GPC6: variants seen among roughly 807,000 people sequenced by gnomAD.
GPC6 encodes the protein glypican-6.
GPC6 carries 14 observed loss-of-function variants against 55.2 expected under a neutral mutation model. That is an observed-to-expected ratio of 0.25 (90% CI 0.17 to 0.40). The LOEUF (loss-of-function observed/expected upper bound fraction) is 0.40, where lower values mean the gene tolerates loss of function less well. Ranked by LOEUF, GPC6 falls within the 10% of genes least tolerant of loss-of-function variation. The pLI, the probability that GPC6 is intolerant of heterozygous loss-of-function variation, is 1.00. For missense variants in GPC6, 641 were observed against 708.5 expected (o/e 0.90, Z 1.08); for synonymous variants, 278 against 259.6 (o/e 1.07, Z -0.68).
chr13:94,188,864 A>G (rs1205535165), intron 4 of GPC6, among the ~76,000 whole-genome samples: 1 of 152,162 alleles, frequency 6.6e-6, no homozygotes, highest in Non-Finnish European at 1.5e-5. Context: ...AAGTCTCACA[A>G]TCTGGTCAGT....
chr13:93,667,648 G>T (rs974180823), intron 2 of GPC6, among the ~76,000 whole-genome samples: 2 of 151,456 alleles, frequency 1.3e-5, no homozygotes, highest in African/African-American at 4.9e-5. Flanking sequence ...AGCCAGGCTG[G>T]TCTTGAACTC....
intron 1 of GPC6, among the ~76,000 whole-genome samples, chr13:93,370,694 C>T (rs1421790839): frequency 6.6e-6 from 1 of 152,054 alleles, no homozygotes; most frequent in African/African-American, 2.4e-5. Context: ...CCACATACAG[C>T]AGGCAAATTA....
intron 1 of GPC6, among the ~76,000 whole-genome samples, chr13:93,340,683 G>T (rs904523619): frequency 6.6e-6 from 1 of 152,126 alleles, no homozygotes; most frequent in East Asian, 1.9e-4. Context: ...GCAGAAGAAT[G>T]GCAGCTGGAG....
intron 1 of GPC6, among the ~76,000 whole-genome samples, chr13:93,276,501 T>A (rs901105327): frequency 2.2e-3 from 210 of 94,102 alleles, no homozygotes; most frequent in African/African-American, 7.3e-3. Context: ...AGAGAGTGTG[T>A]GTGTGTGTGT....
chr13:93,892,472 C>T (rs972877230), intron 3 of GPC6, among the ~76,000 whole-genome samples: 3 of 152,112 alleles, frequency 2.0e-5, no homozygotes, highest in Admixed American at 1.3e-4. Flanking sequence ...TGGGACACTG[C>T]CCACATGTGA....
At chr13:93,882,293 C>A (rs1247969922) in intron 3 of GPC6, among the ~76,000 whole-genome samples, 1 of 151,832 alleles carries the variant, frequency 6.6e-6, no homozygotes, top group African/African-American at 2.4e-5. Flanking sequence ...ACTACAGGCA[C>A]GTGCCACTAC....
chr13:93,580,371 A>T (rs901395697), intron 2 of GPC6, among the ~76,000 whole-genome samples: 18 of 152,250 alleles, frequency 1.2e-4, no homozygotes, highest in African/African-American at 4.3e-4. Context: ...CATTTAGTTT[A>T]TAACATGTAT....
chr13:93,252,263 CT>C (rs546763552), intron 1 of GPC6, among the ~76,000 whole-genome samples: 31 of 151,372 alleles, frequency 2.0e-4, no homozygotes, highest in South Asian at 8.3e-4. Flanking sequence ...CAGCAGTTCC[CT>C]TTTTTTTCCC....
intron 1 of GPC6, among the ~76,000 whole-genome samples, chr13:93,309,482 A>G (rs1201440521): frequency 6.6e-6 from 1 of 152,096 alleles, no homozygotes; most frequent in Non-Finnish European, 1.5e-5. Flanking sequence ...TTAACACACA[A>G]TGTATTTTTA....
At chr13:93,887,207 T>G (rs1489679433) in intron 3 of GPC6, among the ~76,000 whole-genome samples, 1 of 152,050 alleles carries the variant, frequency 6.6e-6, no homozygotes, top group Non-Finnish European at 1.5e-5. Flanking sequence ...TGTAATAATA[T>G]TTTTATTTTT....
chr13:93,863,891 G>A (rs961223882), intron 3 of GPC6, among the ~76,000 whole-genome samples: 4 of 151,680 alleles, frequency 2.6e-5, no homozygotes, highest in Admixed American at 6.6e-5. Flanking sequence ...TATCAGGAAC[G>A]TTTTGGGAAA....
At chr13:93,960,472 A>G (rs942242704) in intron 3 of GPC6, among the ~76,000 whole-genome samples, 4 of 152,168 alleles carry the variant, frequency 2.6e-5, no homozygotes, top group Non-Finnish European at 4.4e-5. Context: ...TCTCTGCTAA[A>G]ATGTTCATAG....
intron 2 of GPC6, among the ~76,000 whole-genome samples, chr13:93,774,422 T>C (rs1382576604): frequency 6.6e-6 from 1 of 152,200 alleles, no homozygotes; most frequent in African/African-American, 2.4e-5. Context: ...ATCTTATATT[T>C]TTAACTTGAT....
chr13:93,296,362 G>GGCTCCTAAAGA (rs1166429422), intron 1 of GPC6, among the ~76,000 whole-genome samples: 10 of 152,126 alleles, frequency 6.6e-5, no homozygotes, highest in South Asian at 2.1e-4. Context: ...TATGGCAGTA[G>GGCTCCTAAAGA]GCTCCTAAAG....
At chr13:94,325,649 G>T (rs992952877) in intron 6 of GPC6, among the ~76,000 whole-genome samples, 1 of 152,132 alleles carries the variant, frequency 6.6e-6, no homozygotes, top group Non-Finnish European at 1.5e-5. Context: ...ATTGTAAAAA[G>T]CCCTTCCAGG....
Position 94,333,742 on chromosome 13 carries a change from T to C in GPC6, c.1152+27619T>C, listed in dbSNP as rs139035872. Among the ~76,000 whole-genome samples, 413 of 152,188 alleles carry C rather than the reference T, an allele frequency of 2.7e-3. 2 individuals are homozygous for C. The highest frequency in any genetic ancestry group is 8.9e-3 in the African/African-American group (368 of 41,502). On this transcript the variant is annotated intron_variant, in intron 6 of 8. Transcript: ENST00000377047. ...GGATTGCACAACTAAGTAGCAGAGGTAGGATTCAAGTTCGGATCCTCTGAC... is the reference window on the plus strand; with the variant it reads ...GGATTGCACAACTAAGTAGCAGAGGCAGGATTCAAGTTCGGATCCTCTGAC...
intron 1 of GPC6, among the ~76,000 whole-genome samples, chr13:93,391,308 C>T (rs540649399): frequency 2.5e-4 from 38 of 152,154 alleles, no homozygotes; most frequent in Middle Eastern, 3.4e-3. Context: ...TTTTCAGGGA[C>T]GTAGTAGAGA....
chr13:93,883,342 AT>A (rs1256969871), intron 3 of GPC6, among the ~76,000 whole-genome samples: 1 of 151,988 alleles, frequency 6.6e-6, no homozygotes, highest in African/African-American at 2.4e-5. Flanking sequence ...GGCTCTATTA[AT>A]TTGCACTCTG....
intron 2 of GPC6, among the ~76,000 whole-genome samples, chr13:93,689,031 T>G (rs1487198712): frequency 6.6e-6 from 1 of 152,066 alleles, no homozygotes; most frequent in Non-Finnish European, 1.5e-5. Context: ...AGGTCATCTC[T>G]ATTTCTACTA....
Sources: allele counts gnomAD v4.1 joint callset (sites outside exome capture counted in the v4.1 genomes callset), GRCh38; gene constraint gnomAD v4.1.1; transcripts MANE v1.5; gene names NCBI Gene and HGNC (gene_info 2026-07-23, HGNC 2026-07-21).